The following KEAP1 variants were observed in gnomAD, a reference collection of about 807,000 sequenced individuals.
The protein encoded by KEAP1 is kelch like ECH associated protein 1, also known as kelch-like ECH-associated protein 1.
KEAP1 carries 26 observed loss-of-function variants against 59.7 expected under a neutral mutation model. The observed-to-expected ratio is 0.44, with a 90% CI of 0.32 to 0.60. The LOEUF (loss-of-function observed/expected upper bound fraction) is 0.60. Ranked by LOEUF, KEAP1 falls within the 20% of genes least tolerant of loss-of-function variation. KEAP1 has a pLI of 0.06. For missense variants in KEAP1, 539 were observed against 871.4 expected, an observed-to-expected ratio of 0.62 and a Z score of 4.80; for synonymous variants, 350 against 358.3, an observed-to-expected ratio of 0.98 and a Z score of 0.26.
In KEAP1 at chr19:10,499,173, C is replaced by T. The variant is rs1251741471; in HGVS notation, c.639+222G>A. Among the ~76,000 whole-genome samples the T allele has an allele frequency of 2.0e-5, 3 of 152,026 alleles. No individual in the cohort carries two copies. The highest frequency in any genetic ancestry group is 7.2e-5 in the African/African-American group (3 of 41,402). On this transcript the variant is annotated intron_variant, in intron 2 of 5. Transcript: ENST00000171111. The surrounding 1 kb of genome is among the most constrained non-coding windows in gnomAD (Gnocchi z 6.7). ...GTTTGTGTGTTTGTTTGTTTAGAGA[C>T]AGGGTGTCATTATGTTGCCTGGGCT...
chr19:10,490,001 C>T (rs1599482582), intron 3 of KEAP1, 148 bp from the exon 4 acceptor site: 4 of 790,658 alleles, frequency 5.1e-6, no homozygotes, highest in East Asian at 2.7e-5. Context: ...CCTGTAATCC[C>T]AGCACTTTGG....
In KEAP1 at chr19:10,502,828, A is replaced by G. The variant is rs968307559; in HGVS notation, c.-48+413T>C. ...AGAGCCGGGCGCCCGCCGTGTCACAATAAAAGTCCCCGGGCCCTGGCCTCA... is the reference window on the plus strand; with the variant it reads ...AGAGCCGGGCGCCCGCCGTGTCACAGTAAAAGTCCCCGGGCCCTGGCCTCA... On this transcript the variant is annotated intron_variant, in intron 1 of 5. Coordinates refer to ENST00000171111, the MANE Select transcript of KEAP1 (RefSeq NM_203500.2). This position sits in a 1 kb window ranked among gnomAD's most constrained non-coding sequence, Gnocchi z 4.0. 2 of 151,938 alleles carry G rather than the reference A, an allele frequency of 1.3e-5. No homozygotes were observed. The highest frequency in any genetic ancestry group is 2.1e-4 in the South Asian group (1 of 4,824). The allele number at this position is 151,938 out of a possible 1,614,324, so 9.4% of individuals were successfully genotyped here.
intron 2 of KEAP1, among the ~76,000 whole-genome samples, chr19:10,496,252 T>G (rs907141672): frequency 2.0e-5 from 3 of 151,168 alleles, no homozygotes; most frequent in Admixed American, 2.0e-4. Flanking sequence ...TCCCAGCACT[T>G]TGGGATGCCA....
chr19:10,487,839 T>C (rs1255716198), intron 5 of KEAP1, among the ~76,000 whole-genome samples: 1 of 149,776 alleles, frequency 6.7e-6, no homozygotes, highest in Non-Finnish European at 1.5e-5. Flanking sequence ...CTACTAAAAA[T>C]CAAAATTGGC....
intron 2 of KEAP1, among the ~76,000 whole-genome samples, chr19:10,497,123 CA>C (rs34492223): frequency 0.16 from 16,241 of 98,968 alleles, 929 homozygotes; most frequent in African/African-American, 0.24. Flanking sequence ...GACTCCGTCT[CA>C]AAAAAAAAAA....
At chr19:10,489,030 G>A (rs1051353218) in intron 5 of KEAP1, among the ~76,000 whole-genome samples, 162 bp downstream of exon 5, 1 of 149,792 alleles carries the variant, frequency 6.7e-6, no homozygotes, top group Non-Finnish European at 1.5e-5. Flanking sequence ...AGGCTGTTGA[G>A]GCTCCAGCGA....
rs1308006383 is a variant in KEAP1 at position 10,491,613 on chromosome 19, C to A, written c.1289G>T (p.Gly430Val). Reference protein sequence around the residue: ...VIDGHIYAVGGSHGCIHHNSV... With the variant: ...VIDGHIYAVGVSHGCIHHNSV... Reference sequence around the variant, plus strand: ...GTTGTGGTGGATGCAGCCGTGGGAGCCGCCGACGGCATAGATGTGGCCATC... The same window carrying A: ...GTTGTGGTGGATGCAGCCGTGGGAGACGCCGACGGCATAGATGTGGCCATC... The change falls in exon 3 of 6, where the codon GGC (glycine) becomes GTC (valine). Residue 430 changes from glycine (G) to valine (V), a missense_variant. Physicochemically the swap from Gly to Val is moderately radical, Grantham distance 109 (BLOSUM62 -3). Transcript: ENST00000171111. This position sits in a 1 kb window ranked among gnomAD's most constrained non-coding sequence, Gnocchi z 5.2. The A allele has an allele frequency of 6.3e-7, 1 of 1,582,968 alleles. No homozygotes were observed. Among genetic ancestry groups the A allele is most frequent in the Non-Finnish European group, 8.6e-7 (1 of 1,165,570 alleles).
chr19:10,500,813 G>A (rs756493488), intron 1 of KEAP1, among the ~76,000 whole-genome samples: 2 of 151,670 alleles, frequency 1.3e-5, no homozygotes, highest in Non-Finnish European at 2.9e-5. Context: ...CCGAGTAGCT[G>A]GGACTACAGG....
At position 10,499,495 on chromosome 19, in the gene KEAP1, T is replaced by TCCAGCTGCTGCA; in HGVS notation, c.527_538dup (p.Val176_Leu179dup). 1 of 1,614,052 alleles carries TCCAGCTGCTGCA rather than the reference T, an allele frequency of 6.2e-7. No individual in the cohort carries two copies. The highest frequency in any genetic ancestry group is 8.5e-7 in the Non-Finnish European group (1 of 1,180,024). ...GGCGATGCCGATGGCATTGCTGGGGTCCAGCTGCTGCACCAGGAAGTCACT... is the reference window on the plus strand; with the variant it reads ...GGCGATGCCGATGGCATTGCTGGGGTCCAGCTGCTGCACCAGCTGCTGCACCAGGAAGTCACT... On this transcript the variant is annotated inframe_insertion, in exon 2 of 6. Transcript: ENST00000171111. This position sits in a 1 kb window ranked among gnomAD's most constrained non-coding sequence, Gnocchi z 6.7.
At chr19:10,497,931 G>A (rs557408042) in intron 2 of KEAP1, among the ~76,000 whole-genome samples, 9 of 151,928 alleles carry the variant, frequency 5.9e-5, no homozygotes, top group Non-Finnish European at 8.8e-5. Flanking sequence ...ACAGAGTTTC[G>A]CTCTTATTGC....
rs766749491 is a variant in KEAP1, at chr19:10,499,970, G to A, written c.64C>T (p.Gln22Ter). ...GCGTCCCCTGCCCCCTCAGGGCACT[G>A]TGACTGCAGGGGCAGGAATCGGCAG... Reference protein sequence around the residue: ...ACCRFLPLQSQCPEGAGDAVM... With the variant: ...ACCRFLPLQS The change falls in exon 2 of 6, where the codon CAG becomes TAG. Residue 22 changes from glutamine (Q) to a stop codon, truncating the protein, a stop_gained. Transcript: ENST00000171111. LOFTEE classifies it high-confidence loss of function. This position sits in a 1 kb window ranked among gnomAD's most constrained non-coding sequence, Gnocchi z 6.7. The A allele has an allele frequency of 6.3e-6, 10 of 1,594,542 alleles. No homozygotes were observed. Among genetic ancestry groups the A allele is most frequent in the Non-Finnish European group, 8.6e-6 (10 of 1,166,280 alleles).
intron 2 of KEAP1, among the ~76,000 whole-genome samples, chr19:10,498,610 G>A (rs1217398218): frequency 1.3e-5 from 2 of 152,114 alleles, no homozygotes; most frequent in Non-Finnish European, 2.9e-5. Flanking sequence ...ACATGACTAA[G>A]GTTCAGACTT....
intron 5 of KEAP1, 48 bp downstream of exon 5, chr19:10,489,144 C>T (rs971375542): frequency 7.6e-7 from 1 of 1,314,706 alleles, no homozygotes; most frequent in Non-Finnish European, 1.0e-6. Context: ...AAAAGCAGTC[C>T]ACAAAAGATG....
At chr19:10,495,509 C>A (rs1028526790) in intron 2 of KEAP1, among the ~76,000 whole-genome samples, 1 of 151,766 alleles carries the variant, frequency 6.6e-6, no homozygotes, top group African/African-American at 2.4e-5. Flanking sequence ...ACCAGCCTGG[C>A]CAACACGGTG....
chr19:10,497,527 A>G (rs1914892698), intron 2 of KEAP1, among the ~76,000 whole-genome samples: 1 of 152,194 alleles, frequency 6.6e-6, no homozygotes, highest in African/African-American at 2.4e-5. Flanking sequence ...GGAACAGTCA[A>G]TGATGCAAAG....
chr19:10,493,557 CTTT>C (rs756608531), intron 2 of KEAP1, among the ~76,000 whole-genome samples: 2 of 96,308 alleles, frequency 2.1e-5, no homozygotes, highest in Non-Finnish European at 4.1e-5. Flanking sequence ...GTCTCAAACT[CTTT>C]TTTTTTTTTT....
chr19:10,489,125 AGC>A, intron 5 of KEAP1, 65 bp downstream of exon 5: 18 of 1,172,504 alleles, frequency 1.5e-5, no homozygotes, highest in East Asian at 5.0e-5. Context: ...AAAAAAGGAA[AGC>A]AAAAGCAAAA....
intron 2 of KEAP1, among the ~76,000 whole-genome samples, chr19:10,495,292 A>T (rs921352889): frequency 6.6e-6 from 1 of 152,130 alleles, no homozygotes; most frequent in African/African-American, 2.4e-5. Context: ...GATTATACGC[A>T]CGAGCCAACT....
chr19:10,493,557 CTTTTTTTTTTT>C (rs756608531), intron 2 of KEAP1, among the ~76,000 whole-genome samples: 3 of 96,308 alleles, frequency 3.1e-5, no homozygotes, highest in African/African-American at 8.4e-5. Context: ...GTCTCAAACT[CTTTTTTTTTTT>C]TTTTTTTTTT....
Sources: allele counts gnomAD v4.1 joint callset (sites outside exome capture counted in the v4.1 genomes callset), GRCh38; gene constraint gnomAD v4.1.1; non-coding constraint Gnocchi (gnomAD v3.1); transcripts MANE v1.5; gene names NCBI Gene and HGNC (gene_info 2026-07-23, HGNC 2026-07-21).